The following WDFY3 variants were observed in gnomAD, a reference collection of about 807,000 sequenced individuals.
WDFY3 encodes the protein WD repeat and FYVE domain-containing protein 3.
A neutral mutation model predicts 409.6 loss-of-function variants in WDFY3; 66 were observed. That is an observed-to-expected ratio of 0.16 (90% CI 0.13 to 0.20). The LOEUF (loss-of-function observed/expected upper bound fraction) is 0.20. WDFY3 is among the 10% of genes least tolerant of loss of function. The pLI is 1.00. For missense variants in WDFY3, 3,031 were observed against 4,298.1 expected (o/e 0.71, Z 8.24); for synonymous variants, 1,521 against 1,537.1 (o/e 0.99, Z 0.25).
Position 84,841,229 on chromosome 4 carries a change from C to A in WDFY3, c.339G>T (p.Glu113Asp), listed in dbSNP as rs1406163559. ...TACTGGCTTCTTCACTCTGATTAAT[C>A]TCTAGGAACTGAACTATGGCCCGAC... ...AASRAIVQFL[E>D]INQSEEASRG... The change falls in exon 6 of 68, where the codon GAG becomes GAT. Residue 113 changes from glutamate (E) to aspartate (D), a missense_variant. By Grantham distance (45) the Glu-to-Asp change is conservative. This residue lies in a region of WDFY3 where 1,322 missense variants were observed against 1,697.9 expected (regional missense o/e 0.78). Transcript: ENST00000295888. 1 of 1,612,860 alleles carries A rather than the reference C, an allele frequency of 6.2e-7. No homozygotes were observed. The highest frequency in any genetic ancestry group is 1.1e-5 in the South Asian group (1 of 90,670).
At chr4:84,790,743 A>G (rs1748376393) in intron 21 of WDFY3, among the ~76,000 whole-genome samples, 1 of 152,216 alleles carries the variant, frequency 6.6e-6, no homozygotes, top group Non-Finnish European at 1.5e-5. Flanking sequence ...TACATAAGAA[A>G]CTACTAGAAC....
At chr4:84,744,839 C>A (rs1311933542) in intron 36 of WDFY3, among the ~76,000 whole-genome samples, 4 of 109,300 alleles carry the variant, frequency 3.7e-5, no homozygotes, top group African/African-American at 1.5e-4. Context: ...GGCGACAGAG[C>A]GAGACTCCGT....
At chr4:84,848,421 A>G (rs1758414559) in intron 5 of WDFY3, among the ~76,000 whole-genome samples, 1 of 152,190 alleles carries the variant, frequency 6.6e-6, no homozygotes, top group Non-Finnish European at 1.5e-5. Context: ...GATGACTGAT[A>G]ATAATGCAAG....
chr4:84,921,945 G>T (rs1414581965), intron 2 of WDFY3, among the ~76,000 whole-genome samples: 1 of 151,572 alleles, frequency 6.6e-6, no homozygotes, highest in Non-Finnish European at 1.5e-5. Flanking sequence ...ATGAGCCACC[G>T]CACCTGGCCT....
intron 40 of WDFY3, among the ~76,000 whole-genome samples, chr4:84,738,103 T>G (rs560962351): frequency 6.6e-6 from 1 of 152,246 alleles, no homozygotes; most frequent in Admixed American, 6.5e-5. Flanking sequence ...CATGTTTAAA[T>G]GAAGGAATGA....
chr4:84,809,835 A>C, intron 14 of WDFY3, 52 bp downstream of exon 14: 1 of 1,485,732 alleles, frequency 6.7e-7, no homozygotes. Flanking sequence ...CTTAATGTTG[A>C]AGTCATGCTT....
At chr4:84,774,156 C>A (rs562613814) in intron 29 of WDFY3, among the ~76,000 whole-genome samples, 6 of 152,310 alleles carry the variant, frequency 3.9e-5, no homozygotes, top group African/African-American at 1.4e-4. Context: ...TGGTAGATCA[C>A]ATGAACGAAC....
chr4:84,844,962 G>C (rs897289233), intron 5 of WDFY3, among the ~76,000 whole-genome samples: 2 of 152,198 alleles, frequency 1.3e-5, no homozygotes, highest in African/African-American at 4.8e-5. Flanking sequence ...TGACCTAAAC[G>C]TATAACAAAT....
chr4:84,932,244 A>G lies in WDFY3; in HGVS notation c.-132+26T>C, dbSNP rs535300746. The G allele has an allele frequency of 1.1e-4, 17 of 152,246 alleles. No individual in the cohort carries two copies. The East Asian group carries it at 3.3e-3, about 29-fold the overall frequency. The allele number at this position is 152,246 out of a possible 1,614,324, so 9.4% of individuals were successfully genotyped here. A position where few individuals can be genotyped will look rare whatever the true frequency, so the allele number is the denominator to read the frequency against. On this transcript the variant is annotated intron_variant, in intron 2 of 67. Transcript: ENST00000295888. Reference sequence around the variant, plus strand: ...CAATTCTGTTCCTGGCTCCTTTTTCAACAAAAAAAAAATCCTAAAACTGAC... The same window carrying G: ...CAATTCTGTTCCTGGCTCCTTTTTCGACAAAAAAAAAATCCTAAAACTGAC...
chr4:84,738,709 A>G (rs1485927983), intron 40 of WDFY3, among the ~76,000 whole-genome samples: 1 of 152,114 alleles, frequency 6.6e-6, no homozygotes, highest in Non-Finnish European at 1.5e-5. Context: ...GCCTGGCATT[A>G]TCATTGGGCA....
intron 30 of WDFY3, among the ~76,000 whole-genome samples, chr4:84,768,990 T>C (rs1744166354): frequency 6.6e-6 from 1 of 152,206 alleles, no homozygotes; most frequent in Non-Finnish European, 1.5e-5. Flanking sequence ...TTCTTATGGA[T>C]GACTTTGAGG....
chr4:84,779,740 A>G lies in WDFY3; in HGVS notation c.4365+368T>C, dbSNP rs557349029. On this transcript the variant is annotated intron_variant, in intron 26 of 67. Coordinates refer to ENST00000295888, the MANE Select transcript of WDFY3 (RefSeq NM_014991.6). ...CCCTGAATCTACCATGGATTTGGCA[A>G]TCCTTTCAGGAAGGGGGAATAGGAC... Among the ~76,000 whole-genome samples the G allele has an allele frequency of 1.1e-3, 166 of 152,284 alleles. 2 individuals are homozygous for G. Among genetic ancestry groups the G allele is most frequent in the African/African-American group, 3.8e-3 (156 of 41,574 alleles).
intron 5 of WDFY3, among the ~76,000 whole-genome samples, chr4:84,849,183 T>C (rs1331693190): frequency 6.6e-6 from 1 of 151,822 alleles, no homozygotes; most frequent in African/African-American, 2.4e-5. Flanking sequence ...CCCAGGACAA[T>C]GTGAATAGTG....
chr4:84,737,146 T>C (rs1156391757), intron 41 of WDFY3, 38 bp downstream of exon 41: 8 of 1,611,762 alleles, frequency 5.0e-6, no homozygotes, highest in Non-Finnish European at 5.9e-6. Context: ...GATAGCCACA[T>C]GTAAATCTCC....
intron 53 of WDFY3, among the ~76,000 whole-genome samples, chr4:84,707,697 T>C (rs1412183983): frequency 6.6e-6 from 1 of 152,216 alleles, no homozygotes; most frequent in African/African-American, 2.4e-5. Flanking sequence ...CTACATTTTC[T>C]TTCTAACTTT....
intron 2 of WDFY3, among the ~76,000 whole-genome samples, chr4:84,905,057 G>A (rs557928442): frequency 1.2e-4 from 17 of 145,968 alleles, no homozygotes; most frequent in African/African-American, 4.1e-4. Context: ...GACCCTGTGG[G>A]GCTGGTCCCT....
At chr4:84,929,318 T>TA (rs1037697630) in intron 2 of WDFY3, among the ~76,000 whole-genome samples, 2 of 152,032 alleles carry the variant, frequency 1.3e-5, no homozygotes, top group African/African-American at 4.8e-5. Context: ...GCCTAGCAGA[T>TA]ATGTTAGGTG....
intron 60 of WDFY3, 92 bp from the exon 61 acceptor site, chr4:84,690,756 C>T: frequency 2.1e-6 from 3 of 1,427,452 alleles, no homozygotes; most frequent in Admixed American, 2.7e-5. Context: ...AAGGTGCAGG[C>T]ACCTCACCAG....
intron 1 of WDFY3, among the ~76,000 whole-genome samples, chr4:84,960,874 T>C (rs1774825374): frequency 6.6e-6 from 1 of 152,184 alleles, no homozygotes; most frequent in Non-Finnish European, 1.5e-5. Flanking sequence ...GAAAATTAAA[T>C]GTTGATATGA....
Sources: allele counts gnomAD v4.1 joint callset (sites outside exome capture counted in the v4.1 genomes callset), GRCh38; gene constraint gnomAD v4.1.1; regional missense constraint gnomAD v4.1.1; transcripts MANE v1.5; gene names NCBI Gene and HGNC (gene_info 2026-07-23, HGNC 2026-07-21).